NOD2: variants seen among roughly 807,000 people sequenced by gnomAD.
NOD2 encodes nucleotide-binding oligomerization domain-containing protein 2.
A neutral mutation model predicts 90.9 loss-of-function variants in NOD2; 86 were observed. The ratio of observed to expected loss-of-function variants is 0.95; its 90% CI spans 0.79 to 1.13. The LOEUF (loss-of-function observed/expected upper bound fraction) is 1.13, where lower values mean the gene tolerates loss of function less well. Ranked by LOEUF, NOD2 falls within the 50% of genes most tolerant of loss-of-function variation. NOD2 has a pLI of 0.00. For synonymous variants in NOD2, 581 were observed against 554.6 expected, an observed-to-expected ratio of 1.05 and a Z score of -0.67; for missense variants, 1,238 against 1,283.8, an observed-to-expected ratio of 0.96 and a Z score of 0.55.
Position 50,699,700 on chromosome 16 carries a change from G to C in NOD2, c.205G>C (p.Gly69Arg). ...CCTTCTGGACACCGTCTGGAATAAG[G>C]GTACTTGGGCCTGTCAGAAGCTCAT... ...RRLLDTVWNK[G>R]TWACQKLIAA... The change falls in exon 2 of 12, where the codon GGT (glycine) becomes CGT (arginine). Residue 69 changes from glycine (G) to arginine (R), a missense_variant. Gly to Arg is a moderately radical substitution (Grantham distance 125, BLOSUM62 -2). Around this residue, in one of 3 missense-constraint regions of NOD2, gnomAD observed 567 missense variants for 577.3 expected, o/e 0.98. Transcript: ENST00000647318. 6.2e-7 allele frequency: 1 copy of C among 1,614,162 alleles called. No homozygotes were observed. The highest frequency in any genetic ancestry group is 8.5e-7 in the Non-Finnish European group (1 of 1,180,038).
At chr16:50,703,330 G>C (rs1040810336) in intron 2 of NOD2, among the ~76,000 whole-genome samples, 2 of 152,156 alleles carry the variant, frequency 1.3e-5, no homozygotes, top group African/African-American at 4.8e-5. Context: ...GCCAAAAATA[G>C]CTGTGTAAAG....
chr16:50,726,890 C>T (rs971955862), intron 10 of NOD2, among the ~76,000 whole-genome samples: 11 of 152,202 alleles, frequency 7.2e-5, no homozygotes, highest in Admixed American at 1.3e-4. Context: ...CCTGTAATCC[C>T]AGCACTTTGG....
chr16:50,726,682 A>G (rs1052411898), intron 10 of NOD2, among the ~76,000 whole-genome samples: 1 of 152,210 alleles, frequency 6.6e-6, no homozygotes, highest in Non-Finnish European at 1.5e-5. Flanking sequence ...ATGCCAGGCA[A>G]TGAGGCTGGG....
chr16:50,719,831 G>GA, intron 6 of NOD2, 94 bp from the exon 7 acceptor site: 3 of 1,184,894 alleles, frequency 2.5e-6, no homozygotes, highest in Non-Finnish European at 3.8e-6. Context: ...GGTCTTCAAT[G>GA]CTTTCTTCCT....
Position 50,715,114 on chromosome 16 carries a change from C to T in NOD2, c.2382-1473C>T, listed in dbSNP as rs896634617. Among the ~76,000 whole-genome samples the T allele has an allele frequency of 5.9e-5, 9 of 152,334 alleles. 1 individual carries two copies. In the South Asian group the frequency reaches 1.9e-3, roughly 32 times the overall value. On this transcript the variant is annotated intron_variant, in intron 4 of 11. Transcript: ENST00000647318. The stretch of plus-strand genomic sequence containing the variant: ...ATAAGAGGCCCTGAGGGAGAAGCTG[C>T]ACAATGTCATGGTTAAGAGTGGGGT...
intron 4 of NOD2, 70 bp from the exon 5 acceptor site, chr16:50,716,517 T>G: frequency 7.2e-7 from 1 of 1,397,786 alleles, no homozygotes; most frequent in Non-Finnish European, 1.0e-6. Flanking sequence ...AAAGTCTTTT[T>G]GGGGGATTTG....
At position 50,711,300 on chromosome 16, in the gene NOD2, C is replaced by T. The variant is rs200656015; in HGVS notation, c.1308C>T (p.Pro436=). Residue 436 remains proline, a synonymous_variant, in exon 4 of 12, where the codon CCC becomes CCT. Transcript: ENST00000647318. ...ACCTGAGGAAGCGCCATCATGAGCC[C>T]GGGGTGGCGGACCGCCTCATCCGCC... ...ELYLRKRHHE[P]GVADRLIRLL... 6.0e-5 allele frequency: 97 copies of T among 1,613,696 alleles called. No individual in the cohort carries two copies. The highest frequency in any genetic ancestry group is 4.5e-4 in the South Asian group (41 of 91,088).
At position 50,716,907 on chromosome 16, in the gene NOD2, TTGAC is replaced by T. The variant is rs1347571547; in HGVS notation, c.2487_2490del (p.Asp830AlafsTer19). The T allele has an allele frequency of 6.2e-7, 1 of 1,614,246 alleles. No homozygotes were observed. Among genetic ancestry groups the T allele is most frequent in the East Asian group, 2.2e-5 (1 of 44,888 alleles). ...ACTGAACAGTCTATTCAACAACAAA[TTGAC>T]TGACGGCTGTGCACACTCCATGGCT... is the stretch of plus-strand genomic sequence containing the variant. On this transcript the variant is annotated frameshift_variant, in exon 6 of 12. Coordinates refer to ENST00000647318, the MANE Select transcript of NOD2 (RefSeq NM_001370466.1). LOFTEE classifies it high-confidence loss of function.
At chr16:50,695,574 C>T (rs540870991) in intron 1 of NOD2, among the ~76,000 whole-genome samples, 1 of 152,098 alleles carries the variant, frequency 6.6e-6, no homozygotes, top group African/African-American at 2.4e-5. Flanking sequence ...TATTTAAAGC[C>T]ACAAGAGCAG....
At chr16:50,723,231 C>A in intron 8 of NOD2, 70 bp from the exon 9 acceptor site, 1 of 1,416,830 alleles carries the variant, frequency 7.1e-7, no homozygotes, top group South Asian at 1.2e-5. Context: ...GAATTTTGCC[C>A]TCCATAGGTT....
chr16:50,724,957 G>A (rs1965212420), intron 9 of NOD2, among the ~76,000 whole-genome samples: 1 of 152,178 alleles, frequency 6.6e-6, no homozygotes. Flanking sequence ...CACATGGTTG[G>A]TTGTCTCATG....
rs532886283 is a variant in NOD2, at chr16:50,695,651, C to T, written c.-9+1989C>T. ...GGTCTAACCATTGAGTGCTGGGGCC[C>T]CCAGTGTTAGGAACCAGCCAAGAAG... On this transcript the variant is annotated intron_variant, in intron 1 of 11. Transcript: ENST00000647318. 5.9e-5 allele frequency among the ~76,000 whole-genome samples: 9 copies of T among 152,096 alleles called. No individual in the cohort carries two copies. In the East Asian group the frequency reaches 7.7e-4, roughly 13 times the overall value.
At chr16:50,729,565 A>T (rs1365320934) in intron 10 of NOD2, among the ~76,000 whole-genome samples, 1 of 152,240 alleles carries the variant, frequency 6.6e-6, no homozygotes, top group Non-Finnish European at 1.5e-5. Context: ...GCAGGTACTT[A>T]ACCACTATCC....
chr16:50,728,200 TC>T (rs1389527844), intron 10 of NOD2: 1 of 220,798 alleles, frequency 4.5e-6, no homozygotes, highest in Non-Finnish European at 9.2e-6. Context: ...TGTAAGAAAA[TC>T]AGCTTTGATG....
intron 2 of NOD2, among the ~76,000 whole-genome samples, chr16:50,707,417 T>C (rs572113620): frequency 3.7e-4 from 57 of 152,226 alleles, no homozygotes; most frequent in Admixed American, 7.8e-4. Context: ...AGATGGAAAA[T>C]AGGCAGTTGG....
rs146396987 is a variant in NOD2 at position 50,717,030 on chromosome 16, C to G, written c.2549+56C>G. The G allele has an allele frequency of 2.2e-4, 329 of 1,495,142 alleles. 4 individuals carry two copies. In the East Asian group the frequency reaches 7.1e-3, roughly 32 times the overall value. The allele number at this position is 1,495,142 out of a possible 1,614,324, so 92.6% of individuals were successfully genotyped here. A position where few individuals can be genotyped will look rare whatever the true frequency, so the allele number is the denominator to read the frequency against. On this transcript the variant is annotated intron_variant, in intron 6 of 11. Transcript: ENST00000647318. ...ACTATTTTTTGCCCCATTCCTGAGT[C>G]AGTCTGATCTGGTCTTGGCCTGGCA...
intron 2 of NOD2, among the ~76,000 whole-genome samples, chr16:50,700,682 C>A (rs1963901394): frequency 6.6e-6 from 1 of 152,192 alleles, no homozygotes; most frequent in Non-Finnish European, 1.5e-5. Context: ...TTACCACTGG[C>A]TGCTATTTAT....
intron 9 of NOD2, among the ~76,000 whole-genome samples, chr16:50,724,114 A>G (rs1334635199): frequency 1.3e-5 from 2 of 152,150 alleles, no homozygotes; most frequent in African/African-American, 2.4e-5. Flanking sequence ...TGCCACTAGT[A>G]TAGTTTTCTG....
chr16:50,722,768 G>A (rs1965118110), intron 8 of NOD2, 63 bp downstream of exon 8: 2 of 1,462,572 alleles, frequency 1.4e-6, no homozygotes, highest in Non-Finnish European at 1.9e-6. Flanking sequence ...GAGGAGCTGG[G>A]GCCAGTTCTG....
Sources: gnomAD v4.1 joint callset for allele counts (sites outside exome capture counted in the v4.1 genomes callset) on GRCh38, gnomAD v4.1.1 for gene constraint, gnomAD v4.1.1 regional missense constraint, MANE v1.5 for transcripts, NCBI Gene and HGNC (gene_info 2026-07-23, HGNC 2026-07-21) for gene names.